Variants in CLIC5 observed in about 807,000 individuals in gnomAD.
CLIC5 encodes the protein chloride intracellular channel protein 5.
In CLIC5, 20 loss-of-function variants were observed where a neutral mutation model predicts 24.7. That is an observed-to-expected ratio of 0.81 (90% CI 0.57 to 1.18). CLIC5 has a LOEUF of 1.18. CLIC5 is among the 50% of genes most tolerant of loss of function. The pLI, the probability that CLIC5 is intolerant of heterozygous loss-of-function variation, is 0.00. For synonymous variants in CLIC5, 159 were observed against 135.6 expected (o/e 1.17, Z -1.20); for missense variants, 341 against 326.1 (o/e 1.05, Z -0.35).
chr6:45,991,044 A>G (rs2127423352), intron 1 of CLIC5, among the ~76,000 whole-genome samples: 1 of 152,366 alleles, frequency 6.6e-6, no homozygotes, highest in South Asian at 2.1e-4. Context: ...CACCTGCAGC[A>G]GACAGACCCT....
chr6:46,015,932 C>A (rs1285226418), upstream of CLIC5: 1 of 996,166 alleles, frequency 1.0e-6, no homozygotes, highest in Non-Finnish European at 1.2e-6. Context: ...GGGGACGCGG[C>A]GGGGACACCC....
upstream of CLIC5, among the ~76,000 whole-genome samples, chr6:46,083,250 A>G (rs1001255195): frequency 6.6e-5 from 10 of 152,212 alleles, no homozygotes; most frequent in African/African-American, 2.4e-4. Context: ...AATTTTTTGA[A>G]GGGTTTTTTC....
At chr6:45,978,948 T>TG (rs139685442) in intron 1 of CLIC5, among the ~76,000 whole-genome samples, 30 of 145,016 alleles carry the variant, frequency 2.1e-4, no homozygotes, top group Non-Finnish European at 3.8e-4. Context: ...AAAACTCCAT[T>TG]AAAAAAAAAA....
the CLIC5 span, among the ~76,000 whole-genome samples, chr6:46,099,896 T>C: frequency 2.0e-5 from 3 of 151,920 alleles, no homozygotes; most frequent in South Asian, 2.1e-4. Context: ...ATTTTGTCCA[T>C]GGAGGCTTTG....
intron 5 of CLIC5, among the ~76,000 whole-genome samples, chr6:45,912,948 T>C (rs558922043): frequency 3.0e-4 from 46 of 152,346 alleles, no homozygotes; most frequent in African/African-American, 8.9e-4. Context: ...AACACCAGTG[T>C]ACACACAACT....
At position 45,918,869 on chromosome 6, in the gene CLIC5, G is replaced by C. The variant is rs1438546132; in HGVS notation, c.407-4460C>G. ...AACTACCATTTAAACACACAATGAG[G>C]CTATTGAGATGGAAAATATTATTCA... On this transcript the variant is annotated intron_variant, in intron 4 of 5. Coordinates refer to ENST00000339561, the MANE Select transcript of CLIC5 (RefSeq NM_016929.5). The C allele has an allele frequency of 8.9e-6, 7 of 782,578 alleles. No homozygotes were observed. In the Admixed American group the frequency reaches 1.9e-4, roughly 21 times the overall value. 48.5% of individuals were successfully genotyped at this position (782,578 alleles called of 1,614,324 possible).
downstream of CLIC5, chr6:45,880,870 G>A (rs1440191077): frequency 6.0e-6 from 2 of 333,984 alleles, no homozygotes; most frequent in Non-Finnish European, 1.1e-5. Flanking sequence ...GCAGGGAACC[G>A]ACGGGCGTTG....
chr6:45,881,014 A>G (rs1269782068), downstream of CLIC5: 1 of 397,502 alleles, frequency 2.5e-6, no homozygotes, highest in East Asian at 3.6e-5. Flanking sequence ...TTCAACAAAT[A>G]TTTAAACTCT....
the CLIC5 span, among the ~76,000 whole-genome samples, chr6:46,121,840 T>C: frequency 3.1e-3 from 479 of 152,214 alleles, 2 homozygotes; most frequent in African/African-American, 0.011. Context: ...AAGAAGGCCA[T>C]TACATAATGG....
At chr6:45,907,456 A>G (rs1479303799) in intron 5 of CLIC5, among the ~76,000 whole-genome samples, 1 of 152,066 alleles carries the variant, frequency 6.6e-6, no homozygotes, top group East Asian at 1.9e-4. Context: ...TTTTGTGTCT[A>G]TGTTCATCAG....
chr6:46,015,789 G>T lies in CLIC5; in HGVS notation c.-247C>A. On this transcript the variant is annotated 5_prime_UTR_variant, in exon 1 of 6. Coordinates refer to ENST00000339561, the MANE Select transcript of CLIC5 (RefSeq NM_016929.5). The stretch of plus-strand genomic sequence containing the variant: ...GGCCACGGGGAAAGCCGGGTTAAGG[G>T]AATGACAACAGGTCGTGGGAGCAAC... The T allele has an allele frequency of 8.2e-7, 1 of 1,216,680 alleles. No homozygotes were observed. The highest frequency in any genetic ancestry group is 1.0e-6 in the Non-Finnish European group (1 of 977,552). 75.4% of individuals were successfully genotyped at this position (1,216,680 alleles called of 1,614,324 possible). A position where few individuals can be genotyped will look rare whatever the true frequency, so the allele number is the denominator to read the frequency against.
At chr6:46,045,142 A>G (rs534637597) in intron 1 of CLIC5, among the ~76,000 whole-genome samples, 1 of 152,232 alleles carries the variant, frequency 6.6e-6, no homozygotes, top group African/African-American at 2.4e-5. Flanking sequence ...AAGTTTCCAC[A>G]AAGTTTGCCA....
chr6:45,976,134 G>A (rs1765377121), intron 1 of CLIC5, among the ~76,000 whole-genome samples: 1 of 152,156 alleles, frequency 6.6e-6, no homozygotes, highest in Non-Finnish European at 1.5e-5. Flanking sequence ...ATCAGTGGAA[G>A]TGATTATAGC....
intron 6 of CLIC5, among the ~76,000 whole-genome samples, chr6:45,893,358 A>G (rs546414320): frequency 6.6e-6 from 1 of 152,088 alleles, no homozygotes; most frequent in Non-Finnish European, 1.5e-5. Context: ...CAAAAGTCCC[A>G]TGGTTCCAGG....
the CLIC5 span, among the ~76,000 whole-genome samples, chr6:46,101,210 G>A: frequency 6.6e-6 from 1 of 152,176 alleles, no homozygotes; most frequent in East Asian, 1.9e-4. Flanking sequence ...TGTTTCTAAA[G>A]TAACCAAGAA....
intron 1 of CLIC5, among the ~76,000 whole-genome samples, chr6:46,060,171 T>G (rs966152669): frequency 2.0e-5 from 3 of 152,166 alleles, no homozygotes; most frequent in African/African-American, 7.2e-5. Context: ...TCTCTTTGAG[T>G]CTCAAATATG....
intron 4 of CLIC5, among the ~76,000 whole-genome samples, chr6:45,938,193 G>C (rs1320567220): frequency 1.3e-5 from 2 of 152,244 alleles, no homozygotes; most frequent in Non-Finnish European, 2.9e-5. Flanking sequence ...GATGCTCTTG[G>C]GGAGAGGCCA....
chr6:46,124,398 G>T, the CLIC5 span, among the ~76,000 whole-genome samples: 1 of 152,176 alleles, frequency 6.6e-6, no homozygotes, highest in Non-Finnish European at 1.5e-5. Flanking sequence ...AGCTGAAACT[G>T]GATCCCTTCC....
chr6:46,044,365 G>C (rs2127462032), intron 1 of CLIC5, among the ~76,000 whole-genome samples: 1 of 152,320 alleles, frequency 6.6e-6, no homozygotes, highest in East Asian at 1.9e-4. Context: ...ATAAAGAGGG[G>C]AGAACAAGGA....
Sources: allele counts gnomAD v4.1 joint callset (sites outside exome capture counted in the v4.1 genomes callset), GRCh38; gene constraint gnomAD v4.1.1; transcripts MANE v1.5; gene names NCBI Gene and HGNC (gene_info 2026-07-23, HGNC 2026-07-21).